Variants in GABPA observed in about 807,000 individuals in gnomAD.
GABPA encodes GA binding protein transcription factor subunit alpha, also known as GA-binding protein alpha chain.
Under a neutral mutation model 59.4 loss-of-function variants are expected in GABPA, and 4 were observed. That is an observed-to-expected ratio of 0.07 (90% confidence interval 0.03 to 0.15). GABPA has a LOEUF of 0.15. Among genes scored for constraint, GABPA ranks in the 10% least tolerant of loss-of-function variants. The pLI, the probability that GABPA is intolerant of heterozygous loss-of-function variation, is 1.00. For synonymous variants in GABPA, 164 were observed against 183.1 expected (o/e 0.90, Z 0.84); for missense variants, 251 against 543.8 (o/e 0.46, Z 5.36).
At chr21:25,752,728 G>A (rs2035544866) in intron 5 of GABPA, among the ~76,000 whole-genome samples, 1 of 152,128 alleles carries the variant, frequency 6.6e-6, no homozygotes, top group South Asian at 2.1e-4. Context: ...GAGTGGTTAA[G>A]GAGTTACTCT....
At chr21:25,762,275 G>T (rs2035781966) in intron 6 of GABPA, 37 bp from the exon 7 acceptor site, 3 of 1,212,994 alleles carry the variant, frequency 2.5e-6, no homozygotes, top group South Asian at 1.4e-5. Flanking sequence ...TATATTTTTG[G>T]TTTTAAATAA....
rs2036026692 is a variant in GABPA at position 25,772,444 on chromosome 21, A to C, written c.*3212A>C. 1 of 152,194 alleles carries C rather than the reference A, an allele frequency of 6.6e-6. No individual in the cohort carries two copies. The highest frequency in any genetic ancestry group is 1.5e-5 in the Non-Finnish European group (1 of 67,998). 9.4% of individuals were successfully genotyped at this position (152,194 alleles called of 1,614,324 possible). ...GTAAAAATAGTAAAATGAGAAAAAT[A>C]AAACTATTATACAGTATGTTTCTGT... is the stretch of plus-strand genomic sequence containing the variant. On this transcript the variant is annotated 3_prime_UTR_variant, in exon 10 of 10. Coordinates refer to ENST00000400075, the MANE Select transcript of GABPA (RefSeq NM_002040.4).
At chr21:25,768,920 C>CTT in intron 9 of GABPA, 84 bp from the exon 10 acceptor site, 1 of 849,214 alleles carries the variant, frequency 1.2e-6, no homozygotes. Context: ...CTCTACTAGG[C>CTT]TTCTGCTTAT....
At chr21:25,767,494 CAAA>C (rs965950252) in intron 9 of GABPA, among the ~76,000 whole-genome samples, 2 of 151,766 alleles carry the variant, frequency 1.3e-5, no homozygotes, top group African/African-American at 2.4e-5. Flanking sequence ...TCTACTAGAT[CAAA>C]AGAAGTATTC....
chr21:25,737,795 A>AT (rs71649656), intron 1 of GABPA, among the ~76,000 whole-genome samples: 7 of 152,132 alleles, frequency 4.6e-5, no homozygotes, highest in South Asian at 4.1e-4. Flanking sequence ...AAAATAAGTG[A>AT]TTTTTTTTAA....
At chr21:25,746,800 C>G (rs1373481552) in intron 3 of GABPA, among the ~76,000 whole-genome samples, 1 of 152,158 alleles carries the variant, frequency 6.6e-6, no homozygotes, top group Non-Finnish European at 1.5e-5. Flanking sequence ...AGTTCCACTT[C>G]AGCAAATTAT....
intron 1 of GABPA, among the ~76,000 whole-genome samples, chr21:25,736,689 T>TA (rs1470743019): frequency 2.6e-5 from 4 of 152,294 alleles, no homozygotes; most frequent in African/African-American, 9.6e-5. Context: ...CCTCAACTCT[T>TA]TATATATAAA....
intron 1 of GABPA, among the ~76,000 whole-genome samples, chr21:25,739,736 T>A (rs1393558205): frequency 2.0e-5 from 3 of 152,208 alleles, no homozygotes; most frequent in African/African-American, 7.2e-5. Context: ...CACTTCAGCC[T>A]CCCAAGTAGC....
At chr21:25,753,495 CAGAA>C (rs1601131521) in intron 5 of GABPA, among the ~76,000 whole-genome samples, 1 of 152,186 alleles carries the variant, frequency 6.6e-6, no homozygotes, top group Non-Finnish European at 1.5e-5. Flanking sequence ...ACTGAAGAGA[CAGAA>C]AGAAAGTAAT....
chr21:25,745,070 C>T, intron 2 of GABPA, 140 bp from the exon 3 acceptor site: 1 of 739,948 alleles, frequency 1.4e-6, no homozygotes, highest in East Asian at 2.7e-5. Context: ...TGGTGATGAG[C>T]CTGCCACAGT....
Position 25,735,092 on chromosome 21 carries a change from G to C in GABPA, c.-513G>C. ...GAGGGTAAGTGCTTCCGGGTCCCCT[G>C]GCACAGCCTCCGCCATCTTTTCTTC... On this transcript the variant is annotated 5_prime_UTR_variant, in exon 1 of 10. Transcript: ENST00000400075. 4.7e-6 allele frequency: 4 copies of C among 850,792 alleles called. No individual in the cohort carries two copies. In the Admixed American group the frequency reaches 6.1e-5, roughly 13 times the overall value. The allele number at this position is 850,792 out of a possible 1,614,324, so 52.7% of individuals were successfully genotyped here.
At chr21:25,757,685 C>G (rs967725474) in intron 5 of GABPA, among the ~76,000 whole-genome samples, 1 of 151,802 alleles carries the variant, frequency 6.6e-6, no homozygotes, top group Non-Finnish European at 1.5e-5. Context: ...TTACTTTATT[C>G]TCTCCAGAAT....
chr21:25,744,124 TAAC>T (rs1267586623), intron 2 of GABPA, among the ~76,000 whole-genome samples: 1 of 151,868 alleles, frequency 6.6e-6, no homozygotes. Flanking sequence ...TTTTTTACCT[TAAC>T]AAATAACAAT....
At chr21:25,736,896 C>T (rs1301277047) in intron 1 of GABPA, among the ~76,000 whole-genome samples, 1 of 152,178 alleles carries the variant, frequency 6.6e-6, no homozygotes, top group East Asian at 1.9e-4. Flanking sequence ...TCCTCAGACA[C>T]AGAAAAGCAT....
At position 25,734,982 on chromosome 21, in the gene GABPA, C is replaced by A; in HGVS notation, c.-623C>A. The A allele has an allele frequency of 6.4e-7, 1 of 1,559,584 alleles. No individual in the cohort carries two copies. ...ATGGGCCGCCGTTTCAGTCGGTCGA[C>A]GCTCACCGGACAGGAAGCGTCTCGG... On this transcript the variant is annotated 5_prime_UTR_variant, in exon 1 of 10. Coordinates refer to ENST00000400075, the MANE Select transcript of GABPA (RefSeq NM_002040.4).
At chr21:25,747,030 A>G (rs1396845521) in intron 3 of GABPA, among the ~76,000 whole-genome samples, 2 of 152,246 alleles carry the variant, frequency 1.3e-5, no homozygotes, top group East Asian at 3.8e-4. Flanking sequence ...TAATCTTCAC[A>G]TCAGTCTTTG....
Position 25,772,397 on chromosome 21 carries a change from G to C in GABPA, c.*3165G>C, listed in dbSNP as rs71651669. The stretch of plus-strand genomic sequence containing the variant: ...AACAGTTATTTTCTATTTTTACGCA[G>C]ATAAATATTTGTGCATAAAATGTAA... On this transcript the variant is annotated 3_prime_UTR_variant, in exon 10 of 10. Coordinates refer to ENST00000400075, the MANE Select transcript of GABPA (RefSeq NM_002040.4). The C allele has an allele frequency of 2.0e-5, 3 of 151,880 alleles. No homozygotes were observed. Among genetic ancestry groups the C allele is most frequent in the Non-Finnish European group, 4.4e-5 (3 of 67,880 alleles). The allele number at this position is 151,880 out of a possible 1,614,324, so 9.4% of individuals were successfully genotyped here.
intron 1 of GABPA, among the ~76,000 whole-genome samples, chr21:25,736,433 T>C (rs71649650): frequency 0.022 from 3,425 of 152,242 alleles, 50 homozygotes; most frequent in Non-Finnish European, 0.034. Context: ...ACCGCTCAAC[T>C]CTTTAGCAAC....
At chr21:25,741,900 G>C (rs150925243) in intron 2 of GABPA, among the ~76,000 whole-genome samples, 3 of 152,218 alleles carry the variant, frequency 2.0e-5, no homozygotes, top group African/African-American at 4.8e-5. Context: ...AAAAGCAATT[G>C]CTTTCAATAG....
Sources: gnomAD v4.1 joint callset for allele counts (sites outside exome capture counted in the v4.1 genomes callset) on GRCh38, gnomAD v4.1.1 for gene constraint, MANE v1.5 for transcripts, NCBI Gene and HGNC (gene_info 2026-07-23, HGNC 2026-07-21) for gene names.